Variants in VAV3 observed in about 807,000 individuals in gnomAD.
VAV3 encodes the protein vav guanine nucleotide exchange factor 3, also known as guanine nucleotide exchange factor VAV3.
A neutral mutation model predicts 131.2 loss-of-function variants in VAV3; 94 were observed. The ratio of observed to expected loss-of-function variants is 0.72; its 90% confidence interval spans 0.61 to 0.85. The LOEUF (loss-of-function observed/expected upper bound fraction) is 0.85. VAV3 is among the 40% of genes least tolerant of loss of function. VAV3 has a pLI of 0.00. For missense variants in VAV3, 939 were observed against 1,002.7 expected, an observed-to-expected ratio of 0.94 and a Z score of 0.86; for synonymous variants, 349 against 342.0, an observed-to-expected ratio of 1.02 and a Z score of -0.22.
rs149900983 is a variant in VAV3 at position 107,632,181 on chromosome 1, C to T, written c.1914+10438G>A. ...TGAGCTGGGGATAGTGTCAAAATTA[C>T]CATGGTCTCTTACCAATTAGATAAT... On this transcript the variant is annotated intron_variant, in intron 20 of 26. Transcript: ENST00000370056. Among the ~76,000 whole-genome samples the T allele has an allele frequency of 3.7e-3, 556 of 152,172 alleles. 4 individuals carry two copies. The highest frequency in any genetic ancestry group is 5.6e-3 in the Non-Finnish European group (382 of 68,010).
chr1:107,920,693 G>T (rs937718747), intron 1 of VAV3, among the ~76,000 whole-genome samples: 1 of 152,140 alleles, frequency 6.6e-6, no homozygotes, highest in Admixed American at 6.5e-5. Flanking sequence ...ATTAAAGTGA[G>T]CTCAAAGAAA....
chr1:107,591,933 T>C (rs1317552829), intron 25 of VAV3, among the ~76,000 whole-genome samples: 2 of 152,200 alleles, frequency 1.3e-5, no homozygotes, highest in East Asian at 3.8e-4. Context: ...TACTATTTTT[T>C]AATCAAGAGA....
intron 5 of VAV3, 40 bp from the exon 6 acceptor site, chr1:107,770,768 T>A: frequency 6.6e-7 from 1 of 1,510,954 alleles, no homozygotes; most frequent in East Asian, 2.3e-5. Context: ...TTTAATAAAA[T>A]CATATATTAA....
At chr1:107,661,454 C>T (rs896078976) in intron 19 of VAV3, among the ~76,000 whole-genome samples, 6 of 152,196 alleles carry the variant, frequency 3.9e-5, no homozygotes, top group African/African-American at 1.4e-4. Flanking sequence ...CTGAACATTC[C>T]TTTGTTCAAC....
chr1:107,722,566 A>T (rs1391754661), intron 15 of VAV3, among the ~76,000 whole-genome samples: 2 of 152,142 alleles, frequency 1.3e-5, no homozygotes, highest in Admixed American at 6.6e-5. Flanking sequence ...TTCAAAGAAC[A>T]TTTACTGAAT....
intron 20 of VAV3, among the ~76,000 whole-genome samples, chr1:107,633,352 C>A (rs1193947740): frequency 6.6e-6 from 1 of 152,156 alleles, no homozygotes; most frequent in African/African-American, 2.4e-5. Flanking sequence ...TCCTGCATGA[C>A]CTTCAGAGTG....
At chr1:107,884,137 T>TA (rs1401450736) in intron 1 of VAV3, among the ~76,000 whole-genome samples, 1 of 149,736 alleles carries the variant, frequency 6.7e-6, no homozygotes, top group African/African-American at 2.5e-5. Context: ...TGGGGCCCAG[T>TA]TTAAAAAAAA....
intron 1 of VAV3, among the ~76,000 whole-genome samples, chr1:107,920,373 A>T (rs904900274): frequency 3.3e-5 from 5 of 152,230 alleles, no homozygotes; most frequent in African/African-American, 1.2e-4. Context: ...CTTCGGGGCA[A>T]ATAGGGACAA....
chr1:107,612,197 T>TAA (rs1491048613), intron 21 of VAV3, among the ~76,000 whole-genome samples: 2 of 143,810 alleles, frequency 1.4e-5, no homozygotes, highest in African/African-American at 5.0e-5. Flanking sequence ...TATATATATA[T>TAA]AAATAAATAT....
chr1:107,737,253 T>C lies in VAV3; in HGVS notation c.1502+11715A>G, dbSNP rs1190857865. ...GTTAGACCTAAAACCATAAAAACCCTAGAAGAAAACCTAGGCAATACCATT... is the reference window on the plus strand; with the variant it reads ...GTTAGACCTAAAACCATAAAAACCCCAGAAGAAAACCTAGGCAATACCATT... On this transcript the variant is annotated intron_variant, in intron 15 of 26. Transcript: ENST00000370056. Among the ~76,000 whole-genome samples the C allele has an allele frequency of 2.6e-5, 4 of 152,150 alleles. No individual in the cohort carries two copies. In the East Asian group the frequency reaches 7.7e-4, roughly 29 times the overall value.
At chr1:107,583,348 C>G (rs1300915160) in intron 25 of VAV3, among the ~76,000 whole-genome samples, 3 of 152,148 alleles carry the variant, frequency 2.0e-5, no homozygotes, top group Non-Finnish European at 4.4e-5. Flanking sequence ...CAAACTGGCA[C>G]AAGACAAGGA....
intron 15 of VAV3, among the ~76,000 whole-genome samples, chr1:107,724,520 G>T (rs1661710041): frequency 1.3e-5 from 2 of 152,078 alleles, no homozygotes; most frequent in Non-Finnish European, 2.9e-5. Flanking sequence ...TTCAATCTAG[G>T]ATGAAGATAG....
At chr1:107,767,723 G>A (rs1183726270) in intron 7 of VAV3, among the ~76,000 whole-genome samples, 2 of 152,158 alleles carry the variant, frequency 1.3e-5, no homozygotes, top group Non-Finnish European at 2.9e-5. Context: ...GCATGGGGGT[G>A]GGGATGTATA....
At chr1:107,583,600 T>A (rs1167713452) in intron 25 of VAV3, among the ~76,000 whole-genome samples, 5 of 152,056 alleles carry the variant, frequency 3.3e-5, no homozygotes, top group African/African-American at 1.2e-4. Flanking sequence ...TCACAAGCAT[T>A]CTTATATACC....
intron 12 of VAV3, among the ~76,000 whole-genome samples, chr1:107,753,458 ATGTG>A (rs563756938): frequency 6.8e-6 from 1 of 147,492 alleles, no homozygotes; most frequent in Non-Finnish European, 1.5e-5. Context: ...TATAGCATTA[ATGTG>A]TGTGTGTATG....
At chr1:107,898,363 A>G (rs1263483716) in intron 1 of VAV3, among the ~76,000 whole-genome samples, 3 of 152,222 alleles carry the variant, frequency 2.0e-5, no homozygotes, top group African/African-American at 7.2e-5. Flanking sequence ...TACTTTGAAA[A>G]ATAAATGTGA....
chr1:107,786,532 G>C (rs1443009543), intron 2 of VAV3, among the ~76,000 whole-genome samples: 1 of 152,206 alleles, frequency 6.6e-6, no homozygotes, highest in Non-Finnish European at 1.5e-5. Context: ...GTGACAGACA[G>C]ACAGATATAT....
intron 15 of VAV3, among the ~76,000 whole-genome samples, chr1:107,718,426 G>A (rs1334027740): frequency 6.6e-6 from 1 of 152,082 alleles, no homozygotes; most frequent in Non-Finnish European, 1.5e-5. Flanking sequence ...GACAAACAGA[G>A]AGCCAAATCA....
intron 16 of VAV3, 21 bp from the exon 17 acceptor site, chr1:107,704,671 GT>G (rs1345011502): frequency 6.3e-7 from 1 of 1,590,946 alleles, no homozygotes; most frequent in Admixed American, 1.7e-5. Flanking sequence ...AAATAAGAAA[GT>G]GGTATATTAA....
Sources: gnomAD v4.1 joint callset for allele counts (sites outside exome capture counted in the v4.1 genomes callset) on GRCh38, gnomAD v4.1.1 for gene constraint, MANE v1.5 for transcripts, NCBI Gene and HGNC (gene_info 2026-07-23, HGNC 2026-07-21) for gene names.